RAB3C: variants seen among roughly 807,000 people sequenced by gnomAD.
RAB3C encodes the protein ras-related protein Rab-3C.
A neutral mutation model predicts 26.4 loss-of-function variants in RAB3C; 17 were observed. The ratio of observed to expected loss-of-function variants is 0.64; its 90% confidence interval spans 0.44 to 0.97. The LOEUF is 0.97. Among genes scored for constraint, RAB3C ranks in the 50% least tolerant of loss-of-function variants. RAB3C has a pLI of 0.00. For synonymous variants in RAB3C, 91 were observed against 95.9 expected (o/e 0.95, Z 0.30); for missense variants, 242 against 281.9 (o/e 0.86, Z 1.01).
intron 2 of RAB3C, among the ~76,000 whole-genome samples, chr5:58,697,802 T>G (rs1748749740): frequency 6.6e-6 from 1 of 152,214 alleles, no homozygotes; most frequent in Non-Finnish European, 1.5e-5. Context: ...CCCTTTATTT[T>G]GAGCCTATGT....
At chr5:58,840,806 TG>T (rs1191584131) in intron 4 of RAB3C, among the ~76,000 whole-genome samples, 1 of 152,174 alleles carries the variant, frequency 6.6e-6, no homozygotes, top group Non-Finnish European at 1.5e-5. Flanking sequence ...TTGGGGTTGC[TG>T]GGCTGTTTCT....
In RAB3C at chr5:58,730,253, A is replaced by C. The variant is rs565962023; in HGVS notation, c.371+4133A>C. ...ACATAATAACTAGCACAAAATGGAT[A>C]TTTTAAAAATTATTATTAATTTCAA... is the stretch of plus-strand genomic sequence containing the variant. On this transcript the variant is annotated intron_variant, in intron 3 of 4. Coordinates refer to ENST00000282878, the MANE Select transcript of RAB3C (RefSeq NM_138453.4). Among the ~76,000 whole-genome samples the C allele has an allele frequency of 6.6e-4, 101 of 152,106 alleles. 1 individual carries two copies. The highest frequency in any genetic ancestry group is 4.7e-4 in the Non-Finnish European group (32 of 67,970).
At chr5:58,641,911 T>C (rs540412237) in intron 2 of RAB3C, among the ~76,000 whole-genome samples, 17 of 152,342 alleles carry the variant, frequency 1.1e-4, no homozygotes, top group African/African-American at 3.8e-4. Context: ...TTCTGGAATA[T>C]GTCTGACCAA....
chr5:58,651,278 G>A (rs945873396), intron 2 of RAB3C, among the ~76,000 whole-genome samples: 14 of 152,100 alleles, frequency 9.2e-5, no homozygotes, highest in African/African-American at 3.4e-4. Context: ...CTGACACTGA[G>A]TGTATTTTTC....
chr5:58,660,804 T>C (rs1173805165), intron 2 of RAB3C, among the ~76,000 whole-genome samples: 1 of 150,128 alleles, frequency 6.7e-6, no homozygotes, highest in Non-Finnish European at 1.5e-5. Context: ...ATTTTAATCA[T>C]AAGGAAAAAA....
intron 3 of RAB3C, among the ~76,000 whole-genome samples, chr5:58,777,669 A>T (rs1454592819): frequency 6.6e-6 from 1 of 150,524 alleles, no homozygotes; most frequent in Non-Finnish European, 1.5e-5. Context: ...ATATGTATAC[A>T]TGAGCCATGT....
intron 1 of RAB3C, among the ~76,000 whole-genome samples, chr5:58,609,699 A>C (rs1746656193): frequency 6.6e-6 from 1 of 152,204 alleles, no homozygotes; most frequent in Non-Finnish European, 1.5e-5. Context: ...TCTTGAAAGC[A>C]TTACCATAAT....
Position 58,761,173 on chromosome 5 carries a change from T to C in RAB3C, c.371+35053T>C, listed in dbSNP as rs112351643. 9.2e-3 allele frequency among the ~76,000 whole-genome samples: 1,402 copies of C among 152,236 alleles called. 33 individuals carry two copies. Among genetic ancestry groups the C allele is most frequent in the African/African-American group, 0.033 (1,352 of 41,538 alleles). On this transcript the variant is annotated intron_variant, in intron 3 of 4. Transcript: ENST00000282878. ...AGCATTGGAACTGCAAATGGAAGGC[T>C]ACTTTTCACATTTTATTCTTCAGTC...
chr5:58,791,000 TA>T (rs964318513), intron 3 of RAB3C, among the ~76,000 whole-genome samples: 33 of 152,174 alleles, frequency 2.2e-4, no homozygotes, highest in African/African-American at 7.5e-4. Flanking sequence ...AATTTGGCTT[TA>T]TTTTGATTTC....
intron 4 of RAB3C, among the ~76,000 whole-genome samples, chr5:58,836,353 A>C (rs1743747978): frequency 6.6e-6 from 1 of 152,154 alleles, no homozygotes; most frequent in South Asian, 2.1e-4. Flanking sequence ...GATCAGGGTA[A>C]TTAACATACA....
intron 3 of RAB3C, among the ~76,000 whole-genome samples, chr5:58,804,541 C>T (rs1742889688): frequency 6.6e-6 from 1 of 152,168 alleles, no homozygotes; most frequent in Non-Finnish European, 1.5e-5. Flanking sequence ...TCTTATTTAG[C>T]ACCATTGCTA....
At chr5:58,797,398 C>CAT (rs1561133625) in intron 3 of RAB3C, among the ~76,000 whole-genome samples, 2 of 121,350 alleles carry the variant, frequency 1.6e-5, no homozygotes, top group African/African-American at 7.1e-5. Flanking sequence ...TATATATATA[C>CAT]ACAGAGAGAG....
At chr5:58,739,904 A>G (rs1741240567) in intron 3 of RAB3C, among the ~76,000 whole-genome samples, 1 of 152,244 alleles carries the variant, frequency 6.6e-6, no homozygotes, top group Non-Finnish European at 1.5e-5. Flanking sequence ...TCTACAGCAT[A>G]TTGAAAGCAA....
chr5:58,797,696 T>C (rs1742706384), intron 3 of RAB3C, among the ~76,000 whole-genome samples: 1 of 151,980 alleles, frequency 6.6e-6, no homozygotes, highest in Admixed American at 6.6e-5. Context: ...AAACAAGCGC[T>C]GTGAATCATT....
intron 3 of RAB3C, among the ~76,000 whole-genome samples, chr5:58,804,883 G>A (rs970487032): frequency 4.0e-5 from 6 of 151,578 alleles, no homozygotes; most frequent in Non-Finnish European, 7.4e-5. Context: ...TAATGTTTTT[G>A]TGTGGTCACT....
At chr5:58,789,577 G>A (rs1207572337) in intron 3 of RAB3C, among the ~76,000 whole-genome samples, 1 of 152,138 alleles carries the variant, frequency 6.6e-6, no homozygotes, top group Non-Finnish European at 1.5e-5. Flanking sequence ...TAGGGCTCAA[G>A]GAAGTTAAGT....
At chr5:58,787,985 A>G (rs1170146520) in intron 3 of RAB3C, among the ~76,000 whole-genome samples, 1 of 152,186 alleles carries the variant, frequency 6.6e-6, no homozygotes, top group Non-Finnish European at 1.5e-5. Context: ...AGCCCAAAAT[A>G]CAGAGAAAAC....
chr5:58,611,517 C>T (rs1472823320), intron 1 of RAB3C, among the ~76,000 whole-genome samples: 2 of 152,078 alleles, frequency 1.3e-5, no homozygotes, highest in Non-Finnish European at 2.9e-5. Flanking sequence ...TTGTTGGCCA[C>T]ATGTATGTCT....
intron 4 of RAB3C, among the ~76,000 whole-genome samples, chr5:58,831,096 T>C (rs1743604506): frequency 6.6e-6 from 1 of 152,150 alleles, no homozygotes; most frequent in Non-Finnish European, 1.5e-5. Context: ...CAGGCTGATC[T>C]GGAACTCTTG....
Sources: gnomAD v4.1 joint callset for allele counts (sites outside exome capture counted in the v4.1 genomes callset) on GRCh38, gnomAD v4.1.1 for gene constraint, MANE v1.5 for transcripts, NCBI Gene and HGNC (gene_info 2026-07-23, HGNC 2026-07-21) for gene names.